The following LMO4 variants were observed in gnomAD, a reference collection of about 807,000 sequenced individuals.
The protein encoded by LMO4 is LIM domain only 4.
Under a neutral mutation model 18.5 loss-of-function variants are expected in LMO4, and 3 were observed. The observed-to-expected ratio is 0.16, with a 90% CI of 0.07 to 0.42. The LOEUF is 0.42. Ranked by LOEUF, LMO4 falls within the 10% of genes least tolerant of loss-of-function variation. The pLI, the probability that LMO4 is intolerant of heterozygous loss-of-function variation, is 0.99. For synonymous variants in LMO4, 100 were observed against 88.1 expected (o/e 1.14, Z -0.76); for missense variants, 121 against 219.9 (o/e 0.55, Z 2.84).
chr1:87,331,208 C>T (rs573286818), intron 1 of LMO4: 1 of 152,158 alleles, frequency 6.6e-6, no homozygotes, highest in Non-Finnish European at 1.5e-5. Flanking sequence ...TTATTCTTGC[C>T]TGTGTCCTGA....
intron 2 of LMO4, among the ~76,000 whole-genome samples, chr1:87,335,224 C>T (rs1039489811): frequency 6.6e-6 from 1 of 152,222 alleles, no homozygotes; most frequent in Non-Finnish European, 1.5e-5. Context: ...TTCCTCGAAC[C>T]GTCTTTCCTC....
At chr1:87,341,396 A>G (rs1422830760) in intron 4 of LMO4, among the ~76,000 whole-genome samples, 1 of 152,144 alleles carries the variant, frequency 6.6e-6, no homozygotes, top group African/African-American at 2.4e-5. Flanking sequence ...TCACTTGGTA[A>G]TTCTTTATGG....
At chr1:87,338,314 C>T (rs1395346281) in intron 2 of LMO4, among the ~76,000 whole-genome samples, 1 of 152,146 alleles carries the variant, frequency 6.6e-6, no homozygotes, top group Non-Finnish European at 1.5e-5. Flanking sequence ...CATTTTATGA[C>T]TTTATTTGGA....
At chr1:87,344,293 T>A (rs143261665) in intron 4 of LMO4, among the ~76,000 whole-genome samples, 4 of 152,300 alleles carry the variant, frequency 2.6e-5, no homozygotes, top group South Asian at 2.1e-4. Flanking sequence ...ATGTATTATG[T>A]AATTATCATA....
At chr1:87,330,947 T>C (rs1250933928) in intron 1 of LMO4, among the ~76,000 whole-genome samples, 1 of 151,708 alleles carries the variant, frequency 6.6e-6, no homozygotes, top group African/African-American at 2.4e-5. Context: ...CTTGTGGCAT[T>C]CATTAGAGTG....
At chr1:87,334,354 C>T (rs1403028932) in intron 2 of LMO4, among the ~76,000 whole-genome samples, 4 of 152,188 alleles carry the variant, frequency 2.6e-5, no homozygotes, top group Admixed American at 1.3e-4. Flanking sequence ...AGCGCCCCTT[C>T]CCCTCCAATT....
In LMO4 at chr1:87,332,049, C is replaced by T; in HGVS notation, c.34C>T (p.Pro12Ser). The T allele has an allele frequency of 6.2e-7, 1 of 1,613,216 alleles. No homozygotes were observed. Among genetic ancestry groups the T allele is most frequent in the Non-Finnish European group, 8.5e-7 (1 of 1,179,896 alleles). ...VNPGSSSQPP[P>S]VTAGSLSWKR... ...TCCGGGCAGCAGCTCGCAGCCGCCC[C>T]CGGTGACGGCCGGCTCCCTCTCCTG... The change falls in exon 2 of 5, where the codon CCG becomes TCG. Residue 12 changes from proline (P) to serine (S), a missense_variant. Transcript: ENST00000370544.
Position 87,329,023 on chromosome 1 carries a change from G to C in LMO4, c.-225G>C, listed in dbSNP as rs1282794199. Reference sequence around the variant, plus strand: ...CTGACACTTCTGCTCCCGGCCGCCCGGCACTTACGCGGGGGCCCCCCAACC... The same window carrying C: ...CTGACACTTCTGCTCCCGGCCGCCCCGCACTTACGCGGGGGCCCCCCAACC... On this transcript the variant is annotated 5_prime_UTR_variant, in exon 1 of 5. Coordinates refer to ENST00000370544, the MANE Select transcript of LMO4 (RefSeq NM_006769.4). The C allele has an allele frequency of 2.0e-5, 3 of 151,500 alleles. No homozygotes were observed. Among genetic ancestry groups the C allele is most frequent in the South Asian group, 2.1e-4 (1 of 4,782 alleles). 9.4% of individuals were successfully genotyped at this position (151,500 alleles called of 1,614,324 possible).
rs1650693211 is a variant in LMO4 at position 87,348,367 on chromosome 1, A to T, written c.*3571A>T. The stretch of plus-strand genomic sequence containing the variant: ...GGCCATTTACAAGTTAATGTTACTT[A>T]TAGCTTTGTTACTAAGACTCACCTA... On this transcript the variant is annotated 3_prime_UTR_variant, in exon 5 of 5. Coordinates refer to ENST00000370544, the MANE Select transcript of LMO4 (RefSeq NM_006769.4). The T allele has an allele frequency of 4.1e-6, 1 of 243,588 alleles. No individual in the cohort carries two copies. The highest frequency in any genetic ancestry group is 2.2e-5 in the African/African-American group (1 of 45,168). 15.1% of individuals were successfully genotyped at this position (243,588 alleles called of 1,614,324 possible).
In LMO4 at chr1:87,345,044, A is replaced by G. The variant is rs80153625; in HGVS notation, c.*248A>G. On this transcript the variant is annotated 3_prime_UTR_variant, in exon 5 of 5. Coordinates refer to ENST00000370544, the MANE Select transcript of LMO4 (RefSeq NM_006769.4). The stretch of plus-strand genomic sequence containing the variant: ...CTGTAGAGAAAATGAAAAAAGATCC[A>G]CCAGAGGACATCTTGGGGAGGGGGA... 2 of 157,958 alleles carry G rather than the reference A, an allele frequency of 1.3e-5. No individual in the cohort carries two copies. Among genetic ancestry groups the G allele is most frequent in the South Asian group, 1.7e-4 (1 of 6,010 alleles). The allele number at this position is 157,958 out of a possible 1,614,324, so 9.8% of individuals were successfully genotyped here.
chr1:87,338,899 A>C (rs140258511), intron 2 of LMO4, among the ~76,000 whole-genome samples: 1 of 152,344 alleles, frequency 6.6e-6, no homozygotes, highest in East Asian at 1.9e-4. Flanking sequence ...GGGAAGTTGG[A>C]GCAAGCATTT....
intron 1 of LMO4, 166 bp from the exon 2 acceptor site, chr1:87,331,839 AGCCTCCCT>A: frequency 1.7e-6 from 1 of 588,718 alleles, no homozygotes; most frequent in South Asian, 2.2e-5. Flanking sequence ...GCTGCCGGCG[AGCCTCCCT>A]TCTTCCCTCT....
At chr1:87,331,487 G>A (rs974336621) in intron 1 of LMO4, among the ~76,000 whole-genome samples, 1 of 152,164 alleles carries the variant, frequency 6.6e-6, no homozygotes, top group African/African-American at 2.4e-5. Flanking sequence ...TGCACTTCCC[G>A]GGGCAGAACC....
At chr1:87,331,223 C>G (rs1342849273) in intron 1 of LMO4, 1 of 151,958 alleles carries the variant, frequency 6.6e-6, no homozygotes, top group Non-Finnish European at 1.5e-5. Flanking sequence ...TCCTGAAAAC[C>G]CAGAGAAAAC....
chr1:87,343,461 T>A (rs1034597035), intron 4 of LMO4, among the ~76,000 whole-genome samples: 11 of 152,176 alleles, frequency 7.2e-5, no homozygotes, highest in African/African-American at 2.7e-4. Context: ...TTTTTTCTTT[T>A]GTAGATTGCT....
Position 87,345,891 on chromosome 1 carries a change from TTTTG to T in LMO4, c.*1099_*1102del, listed in dbSNP as rs1482764355. ...TTTATAAATACTTGAGTGTCCACTA[TTTTG>T]TTTATTCTTTTTCTCAATAGCAAAC... On this transcript the variant is annotated 3_prime_UTR_variant, in exon 5 of 5. Coordinates refer to ENST00000370544, the MANE Select transcript of LMO4 (RefSeq NM_006769.4). 8.5e-5 allele frequency: 13 copies of T among 152,254 alleles called. No individual in the cohort carries two copies. Among genetic ancestry groups the T allele is most frequent in the African/African-American group, 2.9e-4 (12 of 41,466 alleles). 9.4% of individuals were successfully genotyped at this position (152,254 alleles called of 1,614,324 possible).
intron 4 of LMO4, among the ~76,000 whole-genome samples, chr1:87,341,875 A>G (rs1244870700): frequency 6.6e-6 from 1 of 152,236 alleles, no homozygotes; most frequent in Non-Finnish European, 1.5e-5. Context: ...TGTGATTTGG[A>G]TTCTAATGAA....
intron 4 of LMO4, among the ~76,000 whole-genome samples, chr1:87,341,522 T>C (rs1266241932): frequency 6.6e-6 from 1 of 152,190 alleles, no homozygotes; most frequent in Non-Finnish European, 1.5e-5. Flanking sequence ...ATAGACTTTT[T>C]TGTCTTCTGT....
intron 3 of LMO4, 88 bp from the exon 4 acceptor site, chr1:87,339,959 T>C (rs1650427218): frequency 1.4e-6 from 2 of 1,387,146 alleles, no homozygotes; most frequent in Non-Finnish European, 2.0e-6. Flanking sequence ...ACTTGACAGA[T>C]ACCTGCTTAA....
Sources: gnomAD v4.1 joint callset for allele counts (sites outside exome capture counted in the v4.1 genomes callset) on GRCh38, gnomAD v4.1.1 for gene constraint, MANE v1.5 for transcripts, NCBI Gene and HGNC (gene_info 2026-07-23, HGNC 2026-07-21) for gene names.